Variants in ORC4 observed in about 807,000 individuals in gnomAD.
ORC4 encodes the protein origin recognition complex, subunit 4 homolog.
ORC4 carries 55 observed loss-of-function variants against 63.9 expected under a neutral mutation model. The observed-to-expected ratio is 0.86, with a 90% CI of 0.69 to 1.08. The LOEUF is 1.08. Among genes scored for constraint, ORC4 ranks in the 50% least tolerant of loss-of-function variants. ORC4 has a pLI of 0.00. For missense variants in ORC4, 511 were observed against 504.4 expected (o/e 1.01, Z -0.13); for synonymous variants, 150 against 168.5 (o/e 0.89, Z 0.85).
chr2:148,015,270 G>GT (rs1693205119), intron 1 of ORC4, among the ~76,000 whole-genome samples: 4 of 148,734 alleles, frequency 2.7e-5, no homozygotes, highest in Admixed American at 2.7e-4. Context: ...ATTAATTGTG[G>GT]TTTTTGCATT....
intron 4 of ORC4, among the ~76,000 whole-genome samples, chr2:147,963,882 C>T (rs1259354039): frequency 1.3e-5 from 2 of 152,080 alleles, no homozygotes; most frequent in African/African-American, 4.8e-5. Context: ...ACAAAGACCA[C>T]ACTACTGTAT....
At chr2:147,935,978 C>A (rs1234731387) in intron 13 of ORC4, among the ~76,000 whole-genome samples, 1 of 152,122 alleles carries the variant, frequency 6.6e-6, no homozygotes, top group Non-Finnish European at 1.5e-5. Flanking sequence ...TTCTTCCTAG[C>A]CTCATTCTCT....
intron 1 of ORC4, among the ~76,000 whole-genome samples, chr2:147,978,546 T>C (rs1690695306): frequency 6.6e-6 from 1 of 152,166 alleles, no homozygotes; most frequent in African/African-American, 2.4e-5. Flanking sequence ...CTTGAACTGA[T>C]CTCAGACCAT....
chr2:147,991,289 G>A (rs960626628), intron 1 of ORC4, among the ~76,000 whole-genome samples: 7 of 151,848 alleles, frequency 4.6e-5, no homozygotes, highest in Middle Eastern at 3.4e-3. Context: ...CTGGTGATCC[G>A]CCCACCTCAG....
intron 4 of ORC4, among the ~76,000 whole-genome samples, chr2:147,968,588 T>G (rs1690030406): frequency 6.6e-6 from 1 of 151,946 alleles, no homozygotes; most frequent in African/African-American, 2.4e-5. Flanking sequence ...CAGTGAGGTA[T>G]CATCTCACTC....
chr2:147,987,978 G>A (rs1032749192), intron 1 of ORC4, among the ~76,000 whole-genome samples: 17 of 151,376 alleles, frequency 1.1e-4, no homozygotes, highest in East Asian at 1.9e-4. Context: ...GTGTGAACCC[G>A]GGAGGCGGAG....
rs1687881360 is a variant in ORC4, at chr2:147,933,507, C to CTT, written c.*2001_*2002dup. ...GGTTTCATGTTTACCTCAATTGGTA[C>CTT]TTAGTCTTAAAATCTTTCTTTATAC... is the stretch of plus-strand genomic sequence containing the variant. On this transcript the variant is annotated 3_prime_UTR_variant, in exon 14 of 14. Transcript: ENST00000392857. 1 of 151,990 alleles carries CTT rather than the reference C, an allele frequency of 6.6e-6. No individual in the cohort carries two copies. The highest frequency in any genetic ancestry group is 2.4e-5 in the African/African-American group (1 of 41,390). 9.4% of individuals were successfully genotyped at this position (151,990 alleles called of 1,614,324 possible).
intron 1 of ORC4, among the ~76,000 whole-genome samples, chr2:147,982,250 G>A (rs893164835): frequency 3.3e-5 from 5 of 152,052 alleles, no homozygotes; most frequent in African/African-American, 1.2e-4. Flanking sequence ...TCAGTGTTAT[G>A]AGAGGGAAAA....
At chr2:148,000,287 C>G (rs1387838173) in intron 1 of ORC4, among the ~76,000 whole-genome samples, 1 of 152,016 alleles carries the variant, frequency 6.6e-6, no homozygotes, top group East Asian at 1.9e-4. Context: ...CATTTCAGAA[C>G]TCTAGATACA....
rs200639020 is a variant in ORC4 at position 147,996,305 on chromosome 2, AAAAC to A, written c.-17-20334_-17-20331del. 3.4e-3 allele frequency among the ~76,000 whole-genome samples: 522 copies of A among 152,330 alleles called. 4 individuals are homozygous for A. Among genetic ancestry groups the A allele is most frequent in the African/African-American group, 0.012 (489 of 41,578 alleles). ...GTGACAGAGTGAGACTCCATCTCAA[AAAAC>A]AAACAAACAAACAAACAAAATTCCA... On this transcript the variant is annotated intron_variant, in intron 1 of 13. Coordinates refer to ENST00000392857, the MANE Select transcript of ORC4 (RefSeq NM_181741.4).
intron 8 of ORC4, chr2:147,951,396 G>C (rs1251985882): frequency 6.6e-6 from 1 of 152,216 alleles, no homozygotes; most frequent in African/African-American, 2.4e-5. Flanking sequence ...GTGCAACAGT[G>C]GGAAGTCACT....
intron 1 of ORC4, among the ~76,000 whole-genome samples, chr2:148,003,800 A>C (rs572197183): frequency 6.6e-6 from 1 of 152,228 alleles, no homozygotes; most frequent in Non-Finnish European, 1.5e-5. Flanking sequence ...GTATTTGAAT[A>C]GGAAGAGAGG....
chr2:147,960,556 C>T (rs548352225), intron 4 of ORC4, among the ~76,000 whole-genome samples: 7 of 152,258 alleles, frequency 4.6e-5, no homozygotes, highest in Non-Finnish European at 8.8e-5. Context: ...TTTAATTTTA[C>T]AAACATACTA....
rs1002209876 is a variant in ORC4 at position 147,955,387 on chromosome 2, A to C, written c.396T>G (p.Phe132Leu). The C allele has an allele frequency of 1.9e-6, 3 of 1,604,448 alleles. No individual in the cohort carries two copies. The Admixed American group carries it at 5.0e-5, about 27-fold the overall frequency. The change falls in exon 7 of 14, where the codon TTT becomes TTG. Residue 132 changes from phenylalanine (F) to leucine (L), a missense_variant. Transcript: ENST00000392857. The part of the protein sequence containing the change: ...NVVGDKVFGS[F>L]AENLSFLLEA... ...CCAGAAGAAATGAAAGGTTTTCAGC[A>C]AAGCTTCCCTGAACAACAAAATGAG...
At chr2:147,953,549 T>G (rs1689080860) in intron 7 of ORC4, among the ~76,000 whole-genome samples, 2 of 152,206 alleles carry the variant, frequency 1.3e-5, no homozygotes. Flanking sequence ...GAGAGTTGTT[T>G]ATTTAGTAGA....
In ORC4 at chr2:147,973,449, T is replaced by C; in HGVS notation, c.133A>G (p.Lys45Glu). 2 of 1,586,862 alleles carry C rather than the reference T, an allele frequency of 1.3e-6. No individual in the cohort carries two copies. Among genetic ancestry groups the C allele is most frequent in the East Asian group, 2.2e-5 (1 of 44,682 alleles). ...AGTCAAGAGGACAGCTAGACTTACTTGTATTGTACTTGCACTCCAAATAGG... is the reference window on the plus strand; with the variant it reads ...AGTCAAGAGGACAGCTAGACTTACTCGTATTGTACTTGCACTCCAAATAGG... Reference protein sequence around the residue: ...SNLFGVQVQYKHLSELLKRTA... With the variant: ...SNLFGVQVQYEHLSELLKRTA... Residue 45 changes from lysine to glutamate, a missense_variant and splice_region_variant, in exon 3 of 14, where the codon AAA becomes GAA. By Grantham distance (56) the Lys-to-Glu change is moderately conservative. Transcript: ENST00000392857.
chr2:147,952,548 A>G, intron 7 of ORC4, 24 bp from the exon 8 acceptor site: 1 of 1,558,218 alleles, frequency 6.4e-7, no homozygotes, highest in Non-Finnish European at 8.9e-7. Flanking sequence ...AGAGCATTAC[A>G]TTAATAAGAA....
chr2:148,001,656 T>A (rs1371130179), intron 1 of ORC4, among the ~76,000 whole-genome samples: 1 of 152,092 alleles, frequency 6.6e-6, no homozygotes. Flanking sequence ...TGGAAAAACA[T>A]ACCAAATTGT....
At chr2:147,987,212 A>T (rs1691258458) in intron 1 of ORC4, among the ~76,000 whole-genome samples, 1 of 151,322 alleles carries the variant, frequency 6.6e-6, no homozygotes, top group Admixed American at 6.6e-5. Context: ...TCTTGGGTTT[A>T]ATAAATATCT....
Sources: allele counts gnomAD v4.1 joint callset (sites outside exome capture counted in the v4.1 genomes callset), GRCh38; gene constraint gnomAD v4.1.1; transcripts MANE v1.5; gene names NCBI Gene and HGNC (gene_info 2026-07-23, HGNC 2026-07-21).